SPTBN5: variants seen among roughly 807,000 people sequenced by gnomAD.
The protein encoded by SPTBN5 is spectrin beta, non-erythrocytic 5, also known as spectrin beta chain, non-erythrocytic 5.
Under a neutral mutation model 477.6 loss-of-function variants are expected in SPTBN5, and 513 were observed. The ratio of observed to expected loss-of-function variants is 1.07; its 90% CI spans 1.00 to 1.16. The LOEUF (loss-of-function observed/expected upper bound fraction) is 1.16, where lower values mean the gene tolerates loss of function less well. SPTBN5 is among the 50% of genes most tolerant of loss of function. The pLI is 0.00. For missense variants in SPTBN5, 5,062 were observed against 4,731.8 expected (o/e 1.07, Z -2.05); for synonymous variants, 2,169 against 2,011.7 (o/e 1.08, Z -2.09).
At chr15:41,873,086 G>A (rs776481576) in intron 26 of SPTBN5, among the ~76,000 whole-genome samples, 7 of 152,160 alleles carry the variant, frequency 4.6e-5, no homozygotes, top group Non-Finnish European at 1.0e-4. Flanking sequence ...GGAGGAGGTC[G>A]GCTTCATGAA....
chr15:41,879,299 A>G lies in SPTBN5; in HGVS notation c.3143T>C (p.Leu1048Pro). The change falls in exon 16 of 68, where the codon CTG becomes CCG. Residue 1048 changes from leucine (L) to proline (P), a missense_variant. Leu to Pro is a moderately conservative substitution (Grantham distance 98). Transcript: ENST00000320955. ...LQLAQKKTLV[L>P]ERRVHFLQSV... Reference sequence around the variant, plus strand: ...TTGGAGGAAGTGGACCCTCCTCTCCAGCACCAGGGTCTTCTTCTGGGCCAG... The same window carrying G: ...TTGGAGGAAGTGGACCCTCCTCTCCGGCACCAGGGTCTTCTTCTGGGCCAG... The G allele has an allele frequency of 6.2e-7, 1 of 1,611,844 alleles. No individual in the cohort carries two copies.
intron 39 of SPTBN5, 91 bp from the exon 40 acceptor site, chr15:41,864,115 C>A: frequency 8.5e-7 from 1 of 1,177,320 alleles, no homozygotes; most frequent in Non-Finnish European, 1.2e-6. Flanking sequence ...TGCCTGGGCC[C>A]CGGAGCATGA....
At chr15:41,878,678 T>C in intron 16 of SPTBN5, 49 bp from the exon 17 acceptor site, 2 of 1,552,564 alleles carry the variant, frequency 1.3e-6, no homozygotes, top group East Asian at 2.3e-5. Context: ...CTGGGCCTGG[T>C]GCCCCAGGCA....
At chr15:41,868,016 T>G in intron 34 of SPTBN5, 53 bp downstream of exon 34, 1 of 1,545,358 alleles carries the variant, frequency 6.5e-7, no homozygotes, top group Non-Finnish European at 8.7e-7. Flanking sequence ...GAGAGGAGAA[T>G]AGAAAGGAGG....
Position 41,852,241 on chromosome 15 carries a change from A to G in SPTBN5, c.10525T>C (p.Trp3509Arg). ...RAGSSLTSFQ[W>R]RPSGHQGLGA... ...AGCCCCTGGTGTCCAGAGGGCCTCC[A>G]CTGAAAGGATGTCAGCGAGCTGCCA... is the stretch of plus-strand genomic sequence containing the variant. The change falls in exon 62 of 68, where the codon TGG (tryptophan) becomes CGG (arginine). Residue 3509 changes from tryptophan (W) to arginine (R), a missense_variant. Transcript: ENST00000320955. 2.5e-6 allele frequency: 4 copies of G among 1,611,066 alleles called. No individual in the cohort carries two copies. Among genetic ancestry groups the G allele is most frequent in the Non-Finnish European group, 3.4e-6 (4 of 1,178,742 alleles).
Position 41,852,202 on chromosome 15 carries a change from C to T in SPTBN5, c.10564G>A (p.Ala3522Thr), listed in dbSNP as rs201886455. ...CCTGCCTGGGGGTCCCTCGTCTCAG[C>T]CAGCTGTGCTCCTAGCCCCTGGTGT... ...SGHQGLGAQL[A>T]ETRDPQDAKG... The change falls in exon 62 of 68, where the codon GCT (alanine) becomes ACT (threonine). Residue 3522 changes from alanine (A) to threonine (T), a missense_variant. Ala to Thr is a moderately conservative substitution (Grantham distance 58, BLOSUM62 0). Transcript: ENST00000320955. 4 of 1,600,230 alleles carry T rather than the reference C, an allele frequency of 2.5e-6. No homozygotes were observed. In the East Asian group the frequency reaches 6.7e-5, roughly 27 times the overall value.
Position 41,850,225 on chromosome 15 carries a change from C to G in SPTBN5, c.10922-266G>C, listed in dbSNP as rs1254640063. On this transcript the variant is annotated intron_variant, in intron 66 of 67. Coordinates refer to ENST00000320955, the MANE Select transcript of SPTBN5 (RefSeq NM_016642.4). ...TAGGAGGTGGGAAATTCTGGAATGT[C>G]GAACAACTCAAGATCCCTTTGGGCT... The G allele has an allele frequency of 2.3e-5, 11 of 474,404 alleles. No homozygotes were observed. The East Asian group carries it at 3.0e-4, about 13-fold the overall frequency. The allele number at this position is 474,404 out of a possible 1,614,324, so 29.4% of individuals were successfully genotyped here. A position where few individuals can be genotyped will look rare whatever the true frequency, so the allele number is the denominator to read the frequency against.
intron 34 of SPTBN5, 40 bp downstream of exon 34, chr15:41,868,029 C>G: frequency 1.3e-6 from 2 of 1,564,428 alleles, no homozygotes; most frequent in Non-Finnish European, 1.7e-6. Flanking sequence ...AAAGGAGGAG[C>G]AGGAGGCTGA....
At chr15:41,870,720 G>A (rs561131055) in intron 29 of SPTBN5, among the ~76,000 whole-genome samples, 160 bp from the exon 30 acceptor site, 140 of 152,316 alleles carry the variant, frequency 9.2e-4, no homozygotes, top group Non-Finnish European at 1.2e-3. Flanking sequence ...CCCTGCCTAC[G>A]CACCTTCTTC....
intron 4 of SPTBN5, among the ~76,000 whole-genome samples, chr15:41,889,427 T>C (rs973468093): frequency 1.3e-5 from 2 of 151,216 alleles, no homozygotes; most frequent in African/African-American, 2.4e-5. Context: ...GACTCTTTCT[T>C]TTTTTTTTGA....
intron 6 of SPTBN5, among the ~76,000 whole-genome samples, chr15:41,886,709 T>C (rs1359007433): frequency 1.3e-5 from 2 of 152,074 alleles, no homozygotes; most frequent in Non-Finnish European, 2.9e-5. Flanking sequence ...ATAAAGCAGC[T>C]CACAGCCCTT....
In SPTBN5 at chr15:41,893,444, G is replaced by C. The variant is rs1300987891; in HGVS notation, c.54C>G (p.Arg18=). 4 of 1,610,642 alleles carry C rather than the reference G, an allele frequency of 2.5e-6. No individual in the cohort carries two copies. Among genetic ancestry groups the C allele is most frequent in the Non-Finnish European group, 2.5e-6 (3 of 1,179,314 alleles). ...PRELLGAAGH[R]SRRPSTELRV... ...GGAGTTCTGTGCTGGGCCTCCTGCT[G>C]CGGTGCCCTGCAGCCCCGAGGAGCT... is the stretch of plus-strand genomic sequence containing the variant. Residue 18 remains arginine, a synonymous_variant, in exon 2 of 68, where the codon CGC becomes CGG. Transcript: ENST00000320955.
At chr15:41,890,306 G>C (rs1300034225) in intron 3 of SPTBN5, 101 bp from the exon 4 acceptor site, 2 of 771,500 alleles carry the variant, frequency 2.6e-6, no homozygotes, top group Non-Finnish European at 4.5e-6. Flanking sequence ...GAGCATCCTG[G>C]AATCTATCCT....
chr15:41,848,475 T>C lies in SPTBN5; in HGVS notation c.*141A>G. On this transcript the variant is annotated 3_prime_UTR_variant, in exon 68 of 68. Coordinates refer to ENST00000320955, the MANE Select transcript of SPTBN5 (RefSeq NM_016642.4). ...ACCCATCTAACCAGAAGGAACTGTC[T>C]ATTCCAGAAGCTGGGCCTGGGGAAC... is the stretch of plus-strand genomic sequence containing the variant. 2 of 957,460 alleles carry C rather than the reference T, an allele frequency of 2.1e-6. No individual in the cohort carries two copies. Among genetic ancestry groups the C allele is most frequent in the South Asian group, 2.6e-5 (2 of 76,168 alleles). The allele number at this position is 957,460 out of a possible 1,614,324, so 59.3% of individuals were successfully genotyped here. A position where few individuals can be genotyped will look rare whatever the true frequency, so the allele number is the denominator to read the frequency against.
At position 41,862,867 on chromosome 15, in the gene SPTBN5, G is replaced by C; in HGVS notation, c.7186C>G (p.Leu2396Val). 1 of 1,589,442 alleles carries C rather than the reference G, an allele frequency of 6.3e-7. No homozygotes were observed. Among genetic ancestry groups the C allele is most frequent in the South Asian group, 1.2e-5 (1 of 86,784 alleles). ...CGCAGCAGCCTCTGCACGCTCTCCAGATCTTTCCCACAGTCCAGGGCCTGG... is the reference window on the plus strand; with the variant it reads ...CGCAGCAGCCTCTGCACGCTCTCCACATCTTTCCCACAGTCCAGGGCCTGG... ...LIQALDCGKDLESVQRLLRKH... is the reference protein window; with the variant it reads ...LIQALDCGKDVESVQRLLRKH... The change falls in exon 42 of 68, where the codon CTG (leucine) becomes GTG (valine). Residue 2396 changes from leucine (L) to valine (V), a missense_variant. Physicochemically the swap from Leu to Val is conservative, Grantham distance 32. Coordinates refer to ENST00000320955, the MANE Select transcript of SPTBN5 (RefSeq NM_016642.4).
At chr15:41,856,355 C>T (rs1353333687) in intron 53 of SPTBN5, 31 bp downstream of exon 53, 2 of 1,515,650 alleles carry the variant, frequency 1.3e-6, no homozygotes, top group South Asian at 1.3e-5. Context: ...TCCAGGCTTG[C>T]CTGCTGTGCC....
intron 7 of SPTBN5, among the ~76,000 whole-genome samples, chr15:41,883,867 T>C (rs1444711005): frequency 1.3e-5 from 2 of 152,202 alleles, no homozygotes; most frequent in African/African-American, 4.8e-5. Flanking sequence ...CTTGGCTCAC[T>C]GCAACCTCCA....
chr15:41,871,338 C>T, intron 29 of SPTBN5, 37 bp downstream of exon 29: 1 of 1,384,506 alleles, frequency 7.2e-7, no homozygotes, highest in Non-Finnish European at 9.4e-7. Flanking sequence ...GCTCCTTCCC[C>T]CAAACCCCAT....
chr15:41,863,772 C>G lies in SPTBN5; in HGVS notation c.7081G>C (p.Glu2361Gln). 1 of 1,613,828 alleles carries G rather than the reference C, an allele frequency of 6.2e-7. No individual in the cohort carries two copies. Residue 2361 changes from glutamate (E) to glutamine (Q), a missense_variant, in exon 41 of 68, where the codon GAA (glutamate) becomes CAA (glutamine). Glu to Gln is a conservative substitution (Grantham distance 29, BLOSUM62 2). Coordinates refer to ENST00000320955, the MANE Select transcript of SPTBN5 (RefSeq NM_016642.4). ...AACACGTGTATCTCCAAGGCCCCTTCGAGCTGCTGCTGGTACCGGAGCAAG... is the reference window on the plus strand; with the variant it reads ...AACACGTGTATCTCCAAGGCCCCTTGGAGCTGCTGCTGGTACCGGAGCAAG... The part of the protein sequence containing the change: ...GNLLRYQQQL[E>Q]GALEIHVLSR...
Sources: allele counts gnomAD v4.1 joint callset (sites outside exome capture counted in the v4.1 genomes callset), GRCh38; gene constraint gnomAD v4.1.1; transcripts MANE v1.5; gene names NCBI Gene and HGNC (gene_info 2026-07-23, HGNC 2026-07-21).